Variants in ST3GAL3 observed in about 807,000 individuals in gnomAD.
ST3GAL3 encodes the protein CMP-N-acetylneuraminate-beta-1,4-galactoside alpha-2,3-sialyltransferase.
In ST3GAL3, 21 loss-of-function variants were observed where a neutral mutation model predicts 50.1. The ratio of observed to expected loss-of-function variants is 0.42; its 90% CI spans 0.30 to 0.60. The LOEUF (loss-of-function observed/expected upper bound fraction) is 0.60, where lower values mean the gene tolerates loss of function less well. Ranked by LOEUF, ST3GAL3 falls within the 20% of genes least tolerant of loss-of-function variation. The pLI is 0.19. For synonymous variants in ST3GAL3, 183 were observed against 190.0 expected (o/e 0.96, Z 0.30); for missense variants, 353 against 489.4 (o/e 0.72, Z 2.63).
At chr1:43,917,621 AT>A (rs2082228855) in intron 9 of ST3GAL3, among the ~76,000 whole-genome samples, 2 of 73,624 alleles carry the variant, frequency 2.7e-5, no homozygotes, top group African/African-American at 5.7e-5. Flanking sequence ...TATATATTAT[AT>A]TATATATAAT....
intron 2 of ST3GAL3, among the ~76,000 whole-genome samples, chr1:43,750,385 A>G (rs1685557472): frequency 6.6e-6 from 1 of 152,242 alleles, no homozygotes; most frequent in African/African-American, 2.4e-5. Context: ...TGGCAGCTTT[A>G]TTAACAATAG....
intron 2 of ST3GAL3, among the ~76,000 whole-genome samples, chr1:43,791,421 T>TTGAATGAA (rs578007343): frequency 1.1e-4 from 12 of 107,184 alleles, no homozygotes; most frequent in African/African-American, 4.9e-4. Flanking sequence ...GGACATTTGA[T>TTGAATGAA]TGAATGAATG....
At chr1:43,916,863 G>T (rs2081902592) in intron 9 of ST3GAL3, 2 of 152,146 alleles carry the variant, frequency 1.3e-5, no homozygotes, top group African/African-American at 4.8e-5. Flanking sequence ...GCATGAGCCA[G>T]CCACCGCACC....
At chr1:43,770,441 C>A (rs1040431271) in intron 2 of ST3GAL3, among the ~76,000 whole-genome samples, 3 of 151,890 alleles carry the variant, frequency 2.0e-5, no homozygotes, top group African/African-American at 7.3e-5. Context: ...TGAGATGGGA[C>A]TAGTGACAAA....
At chr1:43,725,200 C>G (rs76299902) in intron 1 of ST3GAL3, among the ~76,000 whole-genome samples, 2 of 151,402 alleles carry the variant, frequency 1.3e-5, no homozygotes, top group African/African-American at 2.4e-5. Flanking sequence ...TTTCTTTTTT[C>G]TTTTCTTTTC....
In ST3GAL3 at chr1:43,808,196, C is replaced by T. The variant is rs190956793; in HGVS notation, c.167-6695C>T. On this transcript the variant is annotated intron_variant, in intron 3 of 11. Transcript: ENST00000347631. The stretch of plus-strand genomic sequence containing the variant: ...GCGGGCGCCTGTAATCCCAGCTACT[C>T]GGGAGGCTGAAGCAGGAGAATCACT... 2.2e-3 allele frequency among the ~76,000 whole-genome samples: 332 copies of T among 151,298 alleles called. 5 individuals are homozygous for T. Among genetic ancestry groups the T allele is most frequent in the Admixed American group, 0.021 (311 of 15,168 alleles).
At chr1:43,855,634 A>T (rs113381878) in intron 5 of ST3GAL3, among the ~76,000 whole-genome samples, 7,821 of 151,360 alleles carry the variant, frequency 0.052, 634 homozygotes, top group African/African-American at 0.18. Context: ...AATTAAATTT[A>T]AAAAAAAAGG....
In ST3GAL3 at chr1:43,852,834, G is replaced by A. The variant is rs12732520; in HGVS notation, c.302+14523G>A. On this transcript the variant is annotated intron_variant, in intron 5 of 11. Transcript: ENST00000347631. Reference sequence around the variant, plus strand: ...CTCATTAGTCAAGAGAATGAAATGAGAGGATGTGTCCTGGGGCCATAAATG... The same window carrying A: ...CTCATTAGTCAAGAGAATGAAATGAAAGGATGTGTCCTGGGGCCATAAATG... Among the ~76,000 whole-genome samples, 343 of 152,314 alleles carry A rather than the reference G, an allele frequency of 2.3e-3. 3 individuals are homozygous for A. The highest frequency in any genetic ancestry group is 0.011 in the South Asian group (54 of 4,824).
chr1:43,855,476 G>A (rs1363050285), intron 5 of ST3GAL3, among the ~76,000 whole-genome samples: 1 of 152,064 alleles, frequency 6.6e-6, no homozygotes, highest in African/African-American at 2.4e-5. Context: ...CAGTCATGGT[G>A]GTGGGCACCT....
At chr1:43,741,534 T>C (rs999646324) in intron 2 of ST3GAL3, among the ~76,000 whole-genome samples, 5 of 152,172 alleles carry the variant, frequency 3.3e-5, no homozygotes, top group African/African-American at 4.8e-5. Context: ...GATCTGATAT[T>C]AGGAGGACAG....
At chr1:43,747,393 C>G (rs528428816) in intron 2 of ST3GAL3, among the ~76,000 whole-genome samples, 2 of 151,910 alleles carry the variant, frequency 1.3e-5, no homozygotes, top group African/African-American at 4.8e-5. Context: ...GTCTGGGTGA[C>G]AGAGTGAGAC....
At chr1:43,859,698 A>G (rs2069418937) in intron 5 of ST3GAL3, among the ~76,000 whole-genome samples, 1 of 152,232 alleles carries the variant, frequency 6.6e-6, no homozygotes, top group South Asian at 2.1e-4. Flanking sequence ...CAAATGCCCA[A>G]ATGGAGCAAG....
intron 1 of ST3GAL3, among the ~76,000 whole-genome samples, chr1:43,725,793 C>T (rs1006034585): frequency 3.3e-5 from 5 of 152,128 alleles, no homozygotes; most frequent in South Asian, 4.2e-4. Context: ...ACTACAGGCA[C>T]GCACCACCGT....
chr1:43,779,980 G>C (rs1240181760), intron 2 of ST3GAL3, among the ~76,000 whole-genome samples: 1 of 152,088 alleles, frequency 6.6e-6, no homozygotes, highest in Admixed American at 6.5e-5. Flanking sequence ...TGGATGGTTT[G>C]CTCTCTGTGT....
At position 43,759,065 on chromosome 1, in the gene ST3GAL3, GCACACA is replaced by G. The variant is rs1553285693; in HGVS notation, c.118+22722_118+22727del. ...TCCTAAAAAACAAACAAAAGCGCGCGCACACACACACACACACACACACACACACAC... is the reference window on the plus strand; with the variant it reads ...TCCTAAAAAACAAACAAAAGCGCGCGCACACACACACACACACACACACAC... On this transcript the variant is annotated intron_variant, in intron 2 of 11. Transcript: ENST00000347631. Among the ~76,000 whole-genome samples, 184 of 75,442 alleles carry G rather than the reference GCACACA, an allele frequency of 2.4e-3. 1 individual carries two copies. The highest frequency in any genetic ancestry group is 0.022 in the Middle Eastern group (4 of 180). 49.5% of individuals were successfully genotyped at this position (75,442 alleles called of 152,430 possible). A position where few individuals can be genotyped will look rare whatever the true frequency, so the allele number is the denominator to read the frequency against.
intron 2 of ST3GAL3, among the ~76,000 whole-genome samples, chr1:43,756,100 C>CAAAAAAAAAAAAAAAAAAAAA (rs139101819): frequency 2.8e-5 from 2 of 72,082 alleles, no homozygotes; most frequent in Non-Finnish European, 4.7e-5. Flanking sequence ...GAACCAGTCT[C>CAAAAAAAAAAAAAAAAAAAAA]AAAAAAAAAA....
intron 3 of ST3GAL3, among the ~76,000 whole-genome samples, chr1:43,794,277 G>C (rs2058437795): frequency 6.6e-6 from 1 of 152,150 alleles, no homozygotes; most frequent in Non-Finnish European, 1.5e-5. Flanking sequence ...TCACAAAAGA[G>C]AAAGTCCAAA....
chr1:43,795,483 A>G (rs377476077), intron 3 of ST3GAL3, among the ~76,000 whole-genome samples: 1 of 152,342 alleles, frequency 6.6e-6, no homozygotes, highest in East Asian at 1.9e-4. Flanking sequence ...TAGTTTTGCT[A>G]TCTCCTGCTT....
intron 3 of ST3GAL3, among the ~76,000 whole-genome samples, chr1:43,809,273 GA>G (rs955543609): frequency 1.3e-5 from 2 of 151,416 alleles, no homozygotes; most frequent in Admixed American, 1.3e-4. Flanking sequence ...CGGAAGATAT[GA>G]AAAAAAACTC....
Sources: gnomAD v4.1 joint callset for allele counts (sites outside exome capture counted in the v4.1 genomes callset) on GRCh38, gnomAD v4.1.1 for gene constraint, MANE v1.5 for transcripts, NCBI Gene and HGNC (gene_info 2026-07-23, HGNC 2026-07-21) for gene names.